SMAGP: variants seen among roughly 807,000 people sequenced by gnomAD.
SMAGP encodes small cell transmembrane and glycosylated protein.
A neutral mutation model predicts 10.1 loss-of-function variants in SMAGP; 7 were observed. The observed-to-expected ratio is 0.70, with a 90% CI of 0.40 to 1.31. The LOEUF (loss-of-function observed/expected upper bound fraction) is 1.31, where lower values mean the gene tolerates loss of function less well. Ranked by LOEUF, SMAGP falls within the 50% of genes most tolerant of loss-of-function variation. The probability of loss-of-function intolerance (pLI) is 0.01; values close to 1 mark genes in which losing one functional copy is unlikely to be tolerated. For missense variants in SMAGP, 113 were observed against 116.5 expected (o/e 0.97, Z 0.14); for synonymous variants, 49 against 47.2 (o/e 1.04, Z -0.16).
intron 2 of SMAGP, among the ~76,000 whole-genome samples, chr12:51,257,868 A>T (rs1007525792): frequency 1.3e-5 from 2 of 152,074 alleles, no homozygotes; most frequent in Non-Finnish European, 2.9e-5. Context: ...GTAAGATCTT[A>T]ACTGGGCCCA....
At chr12:51,253,598 A>AAAAAAAC (rs1438373613) in intron 2 of SMAGP, 1 of 152,264 alleles carries the variant, frequency 6.6e-6, no homozygotes, top group Non-Finnish European at 1.5e-5. Context: ...GAAATTCTAA[A>AAAAAAAC]AAAAAACAAA....
chr12:51,246,241 C>A, intron 3 of SMAGP, 122 bp from the exon 4 acceptor site: 6 of 1,387,254 alleles, frequency 4.3e-6, no homozygotes, highest in Non-Finnish European at 5.8e-6. Context: ...TAACTAGTGT[C>A]CACTTCCATC....
intron 3 of SMAGP, 122 bp from the exon 4 acceptor site, chr12:51,246,241 C>G: frequency 1.4e-6 from 2 of 1,387,254 alleles, no homozygotes; most frequent in Non-Finnish European, 1.9e-6. Context: ...TAACTAGTGT[C>G]CACTTCCATC....
chr12:51,267,133 A>C (rs1186299072), intron 2 of SMAGP, among the ~76,000 whole-genome samples: 1 of 151,990 alleles, frequency 6.6e-6, no homozygotes, highest in East Asian at 1.9e-4. Context: ...ATAATAATAA[A>C]ATTTAAAAAA....
At chr12:51,255,888 C>T (rs562341577) in intron 2 of SMAGP, among the ~76,000 whole-genome samples, 4 of 152,266 alleles carry the variant, frequency 2.6e-5, no homozygotes, top group African/African-American at 7.2e-5. Context: ...TTTCCTGCCT[C>T]AGACTCCCAA....
chr12:51,246,624 G>C (rs1944775265), intron 3 of SMAGP, 127 bp downstream of exon 3: 1 of 586,632 alleles, frequency 1.7e-6, no homozygotes, highest in East Asian at 3.1e-5. Flanking sequence ...GTGTGTGTGT[G>C]TGTGTGTGTG....
At chr12:51,260,206 CTTTTTTT>C (rs1274632737) in intron 2 of SMAGP, among the ~76,000 whole-genome samples, 3 of 104,914 alleles carry the variant, frequency 2.9e-5, no homozygotes, top group East Asian at 2.8e-4. Flanking sequence ...GTCATGGTTT[CTTTTTTT>C]TTTTTTTTTT....
intron 2 of SMAGP, among the ~76,000 whole-genome samples, chr12:51,257,300 G>A (rs574531948): frequency 1.3e-5 from 2 of 152,166 alleles, no homozygotes; most frequent in African/African-American, 2.4e-5. Context: ...AGCAGAGACA[G>A]TGCCATTGGA....
rs772997248 is a variant in SMAGP, at chr12:51,246,760, G to A, written c.106C>T (p.Leu36Phe). 1.3e-6 allele frequency: 2 copies of A among 1,586,464 alleles called. No individual in the cohort carries two copies. Among genetic ancestry groups the A allele is most frequent in the Admixed American group, 1.8e-5 (1 of 55,316 alleles). Residue 36 changes from leucine to phenylalanine, a missense_variant, in exon 3 of 4, where the codon CTC becomes TTC. Transcript: ENST00000603798. ...GCTCAGAGTCTATTACCTGCAATGA[G>A]TGCTGTGCTGGCTCCATCTTCTGGG... Reference protein sequence around the residue: ...LSPEDGASTALIAVVITVVFL... With the variant: ...LSPEDGASTAFIAVVITVVFL...
At chr12:51,270,025 C>T (rs1458090739) in intron 1 of SMAGP, 3 of 151,670 alleles carry the variant, frequency 2.0e-5, no homozygotes, top group Non-Finnish European at 4.4e-5. Flanking sequence ...GCCCCGCCCC[C>T]GTCCCCGCCC....
Position 51,245,636 on chromosome 12 carries a change from A to G in SMAGP, c.*305T>C, listed in dbSNP as rs1246886016. Reference sequence around the variant, plus strand: ...AACTCAAAATCTTTTCTCTCCCTTCAACCTGTGAAAAAAGATGACTGGGCA... The same window carrying G: ...AACTCAAAATCTTTTCTCTCCCTTCGACCTGTGAAAAAAGATGACTGGGCA... On this transcript the variant is annotated 3_prime_UTR_variant, in exon 4 of 4. Transcript: ENST00000603798. 9.8e-6 allele frequency: 3 copies of G among 306,858 alleles called. No homozygotes were observed. In the Admixed American group the frequency reaches 1.3e-4, roughly 13 times the overall value. 19.0% of individuals were successfully genotyped at this position (306,858 alleles called of 1,614,324 possible).
intron 2 of SMAGP, among the ~76,000 whole-genome samples, chr12:51,257,466 T>C (rs1944895651): frequency 6.6e-6 from 1 of 152,026 alleles, no homozygotes; most frequent in Non-Finnish European, 1.5e-5. Context: ...TCCCAGCACT[T>C]TGAGAGGCCG....
chr12:51,247,673 G>A (rs1395684878), intron 2 of SMAGP, among the ~76,000 whole-genome samples: 1 of 152,174 alleles, frequency 6.6e-6, no homozygotes, highest in Non-Finnish European at 1.5e-5. Flanking sequence ...GAGGTCTCCT[G>A]GGGAAAACCA....
At chr12:51,252,835 A>AT (rs11441886) in intron 2 of SMAGP, among the ~76,000 whole-genome samples, 77,535 of 151,844 alleles carry the variant, frequency 0.51, 21,475 homozygotes, top group Non-Finnish European at 0.63. Flanking sequence ...AAAGAGAATC[A>AT]TTTTTTTGCA....
intron 2 of SMAGP, among the ~76,000 whole-genome samples, chr12:51,255,697 G>C (rs939472588): frequency 6.6e-6 from 1 of 152,230 alleles, no homozygotes; most frequent in Admixed American, 6.5e-5. Flanking sequence ...GCTGTGGGAA[G>C]GTGGCACACG....
intron 2 of SMAGP, among the ~76,000 whole-genome samples, chr12:51,258,943 T>C (rs1465126653): frequency 7.4e-6 from 1 of 135,010 alleles, no homozygotes; most frequent in African/African-American, 2.9e-5. Context: ...GCCCAGGAGT[T>C]CAAAGCCAGC....
chr12:51,267,831 C>T (rs909477445), intron 2 of SMAGP, among the ~76,000 whole-genome samples: 19 of 152,140 alleles, frequency 1.2e-4, no homozygotes, highest in African/African-American at 4.6e-4. Flanking sequence ...AACTAAAAGT[C>T]TGAATTGTGT....
intron 2 of SMAGP, among the ~76,000 whole-genome samples, chr12:51,268,401 T>C (rs1032433573): frequency 2.0e-5 from 3 of 152,176 alleles, no homozygotes; most frequent in Admixed American, 2.0e-4. Flanking sequence ...AGCAATACTA[T>C]CTTTAGCAGG....
intron 2 of SMAGP, among the ~76,000 whole-genome samples, chr12:51,261,859 T>C (rs1183084631): frequency 1.3e-5 from 2 of 151,778 alleles, no homozygotes; most frequent in Non-Finnish European, 2.9e-5. Flanking sequence ...ACAATATTAC[T>C]GGGACAGGAT....
Sources: gnomAD v4.1 joint callset for allele counts (sites outside exome capture counted in the v4.1 genomes callset) on GRCh38, gnomAD v4.1.1 for gene constraint, MANE v1.5 for transcripts, NCBI Gene and HGNC (gene_info 2026-07-23, HGNC 2026-07-21) for gene names.